Variants in PRKD1 observed in about 807,000 individuals in gnomAD.
PRKD1 encodes protein kinase D1.
In PRKD1, 63 loss-of-function variants were observed where a neutral mutation model predicts 95.9. The ratio of observed to expected loss-of-function variants is 0.66; its 90% CI spans 0.54 to 0.81. The LOEUF (loss-of-function observed/expected upper bound fraction) is 0.81, where lower values mean the gene tolerates loss of function less well. Among genes scored for constraint, PRKD1 ranks in the 30% least tolerant of loss-of-function variants. The pLI is 0.00. For synonymous variants in PRKD1, 425 were observed against 423.1 expected, an observed-to-expected ratio of 1.00 and a Z score of -0.05; for missense variants, 1,048 against 1,165.3, an observed-to-expected ratio of 0.90 and a Z score of 1.47.
intron 1 of PRKD1, among the ~76,000 whole-genome samples, chr14:29,777,639 T>A (rs1193500777): frequency 2.0e-5 from 3 of 152,150 alleles, no homozygotes; most frequent in Non-Finnish European, 4.4e-5. Context: ...CCCAGATTCA[T>A]AAAGCAAGTC....
chr14:29,580,324 A>G (rs1003813478), intron 16 of PRKD1, among the ~76,000 whole-genome samples: 1 of 152,196 alleles, frequency 6.6e-6, no homozygotes, highest in Admixed American at 6.6e-5. Context: ...GAAGCATACA[A>G]TCATTAGTCT....
At position 29,680,523 on chromosome 14, in the gene PRKD1, GT is replaced by G. The variant is rs1331230631; in HGVS notation, c.404-14316del. On this transcript the variant is annotated intron_variant, in intron 2 of 17. Transcript: ENST00000331968. ...CAGAAAGGCAAATATGACTCCGTTT[GT>G]TGTTTATCTTGCCTCTTTGTTTATT... is the stretch of plus-strand genomic sequence containing the variant. 2.6e-5 allele frequency among the ~76,000 whole-genome samples: 4 copies of G among 152,290 alleles called. No individual in the cohort carries two copies. The South Asian group carries it at 8.3e-4, about 32-fold the overall frequency.
intron 1 of PRKD1, among the ~76,000 whole-genome samples, chr14:29,870,011 G>A (rs1273278784): frequency 6.6e-6 from 1 of 152,036 alleles, no homozygotes; most frequent in African/African-American, 2.4e-5. Flanking sequence ...GTTAACTTAT[G>A]GCTCCACAGT....
At chr14:29,870,603 A>C (rs1158887013) in intron 1 of PRKD1, among the ~76,000 whole-genome samples, 1 of 152,178 alleles carries the variant, frequency 6.6e-6, no homozygotes, top group East Asian at 1.9e-4. Flanking sequence ...ACCTTGTAAA[A>C]ATTCCTTTCA....
intron 1 of PRKD1, among the ~76,000 whole-genome samples, chr14:29,901,689 C>A (rs374386981): frequency 6.6e-6 from 1 of 152,116 alleles, no homozygotes; most frequent in Non-Finnish European, 1.5e-5. Context: ...AGTACAACAG[C>A]AACAGCAATA....
chr14:29,752,826 T>C (rs779139299), intron 1 of PRKD1, among the ~76,000 whole-genome samples: 4 of 152,102 alleles, frequency 2.6e-5, no homozygotes, highest in Non-Finnish European at 4.4e-5. Context: ...AAACGAACTT[T>C]TCTGATTTCC....
chr14:29,594,305 T>C (rs1421608842), intron 16 of PRKD1: 1 of 328,208 alleles, frequency 3.0e-6, no homozygotes, highest in Non-Finnish European at 5.9e-6. Flanking sequence ...CAACTAGCAA[T>C]ATGTCCAAAG....
At chr14:29,735,421 T>C (rs1594470690) in intron 1 of PRKD1, among the ~76,000 whole-genome samples, 1 of 152,198 alleles carries the variant, frequency 6.6e-6, no homozygotes, top group African/African-American at 2.4e-5. Flanking sequence ...CCTCTTTCCA[T>C]ATCCTTTCCT....
chr14:29,589,329 C>T (rs1893045313), intron 16 of PRKD1, among the ~76,000 whole-genome samples: 1 of 152,296 alleles, frequency 6.6e-6, no homozygotes, highest in African/African-American at 2.4e-5. Flanking sequence ...CAATTTATAT[C>T]GCTTGGTTAT....
chr14:29,595,124 G>C (rs539752043), intron 16 of PRKD1, among the ~76,000 whole-genome samples: 1 of 152,080 alleles, frequency 6.6e-6, no homozygotes, highest in East Asian at 1.9e-4. Flanking sequence ...CATCTGAGCT[G>C]GTCTCCATAT....
chr14:29,633,068 G>T, intron 8 of PRKD1, 122 bp from the exon 9 acceptor site: 1 of 838,582 alleles, frequency 1.2e-6, no homozygotes, highest in South Asian at 1.5e-5. Context: ...CATGGGCTTT[G>T]GGAAAGGCAG....
chr14:29,589,491 C>T (rs1893051287), intron 16 of PRKD1, among the ~76,000 whole-genome samples: 1 of 152,174 alleles, frequency 6.6e-6, no homozygotes, highest in Non-Finnish European at 1.5e-5. Context: ...GACCTTCACA[C>T]TTGACTATTC....
At chr14:29,600,748 A>G (rs1893486282) in intron 13 of PRKD1, among the ~76,000 whole-genome samples, 1 of 152,186 alleles carries the variant, frequency 6.6e-6, no homozygotes, top group Admixed American at 6.5e-5. Context: ...AGTAATGGTA[A>G]GCAGCATTTT....
intron 2 of PRKD1, among the ~76,000 whole-genome samples, chr14:29,698,924 C>A (rs974420825): frequency 6.6e-6 from 1 of 152,012 alleles, no homozygotes; most frequent in Non-Finnish European, 1.5e-5. Flanking sequence ...AACAGATTCG[C>A]GTGGTTAAGT....
intron 1 of PRKD1, among the ~76,000 whole-genome samples, chr14:29,888,701 C>CA (rs951511344): frequency 4.6e-5 from 7 of 151,508 alleles, no homozygotes; most frequent in South Asian, 2.1e-4. Context: ...AGGAGTCATG[C>CA]AAAAAAAACC....
intron 1 of PRKD1, among the ~76,000 whole-genome samples, chr14:29,849,721 T>C (rs1892228963): frequency 6.6e-6 from 1 of 152,080 alleles, no homozygotes. Flanking sequence ...TAACTCATTC[T>C]ATAAATCAAG....
intron 13 of PRKD1, among the ~76,000 whole-genome samples, chr14:29,604,339 G>GAGAATTAGATTCAACCC (rs1212953735): frequency 2.6e-5 from 4 of 152,124 alleles, no homozygotes; most frequent in Non-Finnish European, 4.4e-5. Context: ...TAGGAAAGAG[G>GAGAATTAGATTCAACCC]AGAATTAGAT....
At chr14:29,898,352 CA>C (rs1375472725) in intron 1 of PRKD1, among the ~76,000 whole-genome samples, 1 of 151,904 alleles carries the variant, frequency 6.6e-6, no homozygotes, top group Admixed American at 6.6e-5. Flanking sequence ...ACATTTTAGC[CA>C]ATATGTCTAA....
intron 2 of PRKD1, among the ~76,000 whole-genome samples, chr14:29,676,553 C>T (rs1404265246): frequency 6.6e-6 from 1 of 152,140 alleles, no homozygotes; most frequent in Non-Finnish European, 1.5e-5. Context: ...CGGGGTTTCA[C>T]CATGTTGACC....
Sources: allele counts gnomAD v4.1 joint callset (sites outside exome capture counted in the v4.1 genomes callset), GRCh38; gene constraint gnomAD v4.1.1; transcripts MANE v1.5; gene names NCBI Gene and HGNC (gene_info 2026-07-23, HGNC 2026-07-21).